Variants in SRGAP3 observed in about 807,000 individuals in gnomAD.
SRGAP3 encodes SLIT-ROBO Rho GTPase activating protein 3.
Under a neutral mutation model 121.1 loss-of-function variants are expected in SRGAP3, and 39 were observed. The observed-to-expected ratio is 0.32, with a 90% confidence interval of 0.25 to 0.42. SRGAP3 has a LOEUF of 0.42. Among genes scored for constraint, SRGAP3 ranks in the 10% least tolerant of loss-of-function variants. SRGAP3 has a pLI of 1.00. For missense variants in SRGAP3, 1,213 were observed against 1,470.6 expected, an observed-to-expected ratio of 0.82 and a Z score of 2.86; for synonymous variants, 601 against 570.0, an observed-to-expected ratio of 1.05 and a Z score of -0.77.
At chr3:9,066,678 T>G (rs1029324164) in intron 4 of SRGAP3, among the ~76,000 whole-genome samples, 2 of 152,276 alleles carry the variant, frequency 1.3e-5, no homozygotes, top group Middle Eastern at 3.4e-3. Flanking sequence ...GTTTATATTT[T>G]AGTAGAGATG....
intron 3 of SRGAP3, among the ~76,000 whole-genome samples, chr3:9,266,755 A>T (rs1954375946): frequency 6.6e-6 from 1 of 151,980 alleles, no homozygotes; most frequent in South Asian, 2.1e-4. Flanking sequence ...ACTGCACTCC[A>T]TTTGGAGGCA....
intron 1 of SRGAP3, chr3:9,235,620 C>T (rs1953380031): frequency 6.6e-6 from 1 of 151,340 alleles, no homozygotes; most frequent in Non-Finnish European, 1.5e-5. Context: ...TCTCCTGCCT[C>T]AGCCTCCCGA....
chr3:9,216,463 G>A (rs1228788384), intron 1 of SRGAP3, among the ~76,000 whole-genome samples: 3 of 148,132 alleles, frequency 2.0e-5, no homozygotes, highest in South Asian at 4.3e-4. Context: ...TCTCCGTATC[G>A]TTTCTCTGAA....
chr3:9,275,746 G>A (rs772013081), intron 3 of SRGAP3, among the ~76,000 whole-genome samples: 61 of 152,152 alleles, frequency 4.0e-4, no homozygotes, highest in African/African-American at 1.3e-3. Context: ...ACCCCATCAC[G>A]TGGAACTGTG....
intron 1 of SRGAP3, among the ~76,000 whole-genome samples, chr3:9,170,728 G>A (rs969227382): frequency 4.6e-5 from 7 of 152,238 alleles, no homozygotes; most frequent in Non-Finnish European, 8.8e-5. Context: ...TCACAAGCGT[G>A]GGTCTGAGGC....
intron 1 of SRGAP3, among the ~76,000 whole-genome samples, chr3:9,208,994 A>C (rs1413570718): frequency 1.3e-5 from 2 of 152,246 alleles, no homozygotes; most frequent in Non-Finnish European, 2.9e-5. Context: ...TCACACTAAT[A>C]CATGGAGACT....
intron 1 of SRGAP3, among the ~76,000 whole-genome samples, chr3:9,200,131 C>G (rs888900924): frequency 2.6e-5 from 4 of 152,096 alleles, no homozygotes; most frequent in Non-Finnish European, 4.4e-5. Flanking sequence ...TAGCTACAGC[C>G]AAGAAGGTAA....
At chr3:9,224,036 GA>G (rs1952903735) in intron 1 of SRGAP3, among the ~76,000 whole-genome samples, 1 of 152,106 alleles carries the variant, frequency 6.6e-6, no homozygotes, top group Non-Finnish European at 1.5e-5. Flanking sequence ...GGCTCTGAAG[GA>G]AAACAGACGC....
Position 8,985,411 on chromosome 3 carries a change from C to A in SRGAP3, c.*108G>T. 2 of 1,542,832 alleles carry A rather than the reference C, an allele frequency of 1.3e-6. 1 individual carries two copies. The highest frequency in any genetic ancestry group is 2.4e-5 in the South Asian group (2 of 82,494). On this transcript the variant is annotated 3_prime_UTR_variant, in exon 22 of 22. Transcript: ENST00000383836. The surrounding 1 kb of genome is among the most constrained non-coding windows in gnomAD (Gnocchi z 5.1). ...CACAGACACACCCTCCCAGACGGAC[C>A]TCTGCCCTCCAAGGCCAGGGTCACT...
chr3:9,290,399 G>C (rs1469339332), intron 3 of SRGAP3, among the ~76,000 whole-genome samples: 1 of 152,124 alleles, frequency 6.6e-6, no homozygotes, highest in Non-Finnish European at 1.5e-5. Context: ...GGTTACATAG[G>C]ACAGGTGTGT....
chr3:9,323,383 T>G (rs1320984720), intron 3 of SRGAP3, among the ~76,000 whole-genome samples: 1 of 151,962 alleles, frequency 6.6e-6, no homozygotes, highest in African/African-American at 2.4e-5. Context: ...TGTGTTAAAG[T>G]GAAATAAGAA....
chr3:9,135,488 T>C (rs1949610976), intron 1 of SRGAP3, among the ~76,000 whole-genome samples: 1 of 152,138 alleles, frequency 6.6e-6, no homozygotes, highest in Non-Finnish European at 1.5e-5. Flanking sequence ...ACTCCAGCCC[T>C]AGCGGAGATG....
intron 3 of SRGAP3, among the ~76,000 whole-genome samples, chr3:9,323,431 A>C (rs1163371783): frequency 1.3e-5 from 2 of 151,948 alleles, no homozygotes; most frequent in African/African-American, 4.8e-5. Flanking sequence ...TGAATATACC[A>C]TTTGGTATCT....
rs974570228 is a variant in SRGAP3, at chr3:9,028,031, T to C, written c.1540-1036A>G. 4 of 1,591,444 alleles carry C rather than the reference T, an allele frequency of 2.5e-6. No individual in the cohort carries two copies. In the Admixed American group the frequency reaches 6.7e-5, roughly 27 times the overall value. On this transcript the variant is annotated intron_variant, in intron 12 of 21. Coordinates refer to ENST00000383836, the MANE Select transcript of SRGAP3 (RefSeq NM_014850.4). ...CAGCAACAGGCAAGGTGGGCTCTGTTCTGGAAGTCAGCACTAAAGACAGTT... is the reference window on the plus strand; with the variant it reads ...CAGCAACAGGCAAGGTGGGCTCTGTCCTGGAAGTCAGCACTAAAGACAGTT...
At chr3:9,078,981 T>C (rs1282558534) in intron 4 of SRGAP3, among the ~76,000 whole-genome samples, 1 of 152,174 alleles carries the variant, frequency 6.6e-6, no homozygotes, top group African/African-American at 2.4e-5. Context: ...CTTTCTGACC[T>C]GAGGTCCAGG....
chr3:9,202,987 T>C (rs1012999246), intron 1 of SRGAP3, among the ~76,000 whole-genome samples: 2 of 152,210 alleles, frequency 1.3e-5, no homozygotes, highest in African/African-American at 4.8e-5. Flanking sequence ...AAAGTCACCC[T>C]AGCTTCAGCA....
intron 15 of SRGAP3, chr3:9,014,071 C>G: frequency 1.7e-6 from 1 of 586,072 alleles, no homozygotes; most frequent in South Asian, 1.8e-5. Context: ...AGAGTCGACT[C>G]TCCGGACTTG....
chr3:8,997,041 C>A (rs574079986), intron 18 of SRGAP3, among the ~76,000 whole-genome samples: 2 of 152,258 alleles, frequency 1.3e-5, no homozygotes, highest in African/African-American at 4.8e-5. Context: ...ACAGGGCGAA[C>A]CTCCAGCTCA....
At chr3:9,035,818 TTGGAGGTCAACATCCCAAA>T (rs111439572) in intron 11 of SRGAP3, 47 of 155,594 alleles carry the variant, frequency 3.0e-4, no homozygotes, top group Middle Eastern at 3.2e-3. Context: ...CCTAATAGAC[TTGGAGGTCAACATCCCAAA>T]TGGTGGCAAT....
Sources: allele counts gnomAD v4.1 joint callset (sites outside exome capture counted in the v4.1 genomes callset), GRCh38; gene constraint gnomAD v4.1.1; non-coding constraint Gnocchi (gnomAD v3.1); transcripts MANE v1.5; gene names NCBI Gene and HGNC (gene_info 2026-07-23, HGNC 2026-07-21).